DPP10: variants seen among roughly 807,000 people sequenced by gnomAD.
DPP10 encodes inactive dipeptidyl peptidase 10.
A neutral mutation model predicts 120.9 loss-of-function variants in DPP10; 33 were observed. The ratio of observed to expected loss-of-function variants is 0.27; its 90% CI spans 0.21 to 0.37. DPP10 has a LOEUF of 0.37. Among genes scored for constraint, DPP10 ranks in the 10% least tolerant of loss-of-function variants. DPP10 has a pLI of 1.00. For synonymous variants in DPP10, 337 were observed against 326.1 expected (o/e 1.03, Z -0.36); for missense variants, 816 against 942.8 (o/e 0.87, Z 1.76).
chr2:115,228,552 A>G (rs1258152367), intron 1 of DPP10, among the ~76,000 whole-genome samples: 1 of 151,946 alleles, frequency 6.6e-6, no homozygotes, highest in Non-Finnish European at 1.5e-5. Flanking sequence ...GGTAACCATC[A>G]TTCTACTCTC....
intron 17 of DPP10, among the ~76,000 whole-genome samples, chr2:115,790,661 T>C (rs971045459): frequency 3.3e-5 from 5 of 152,220 alleles, no homozygotes; most frequent in Non-Finnish European, 7.3e-5. Context: ...TTTAGAAATA[T>C]ATAACATGCT....
intron 5 of DPP10, among the ~76,000 whole-genome samples, chr2:115,619,636 A>G (rs2084798330): frequency 6.6e-6 from 1 of 152,072 alleles, no homozygotes; most frequent in South Asian, 2.1e-4. Flanking sequence ...TCCATCTCCA[A>G]AGGCTCAGTC....
At chr2:115,153,730 A>G (rs1393338470) in intron 1 of DPP10, among the ~76,000 whole-genome samples, 3 of 151,952 alleles carry the variant, frequency 2.0e-5, no homozygotes, top group African/African-American at 7.3e-5. Flanking sequence ...CATAAACTTT[A>G]TTTTTCCCTA....
intron 3 of DPP10, among the ~76,000 whole-genome samples, chr2:115,383,389 A>G (rs1458146197): frequency 6.6e-6 from 1 of 152,160 alleles, no homozygotes; most frequent in Admixed American, 6.6e-5. Context: ...CATGATTGTG[A>G]GTCCTCCCCA....
At chr2:114,603,335 G>T (rs1298512080) in intron 1 of DPP10, among the ~76,000 whole-genome samples, 2 of 152,022 alleles carry the variant, frequency 1.3e-5, no homozygotes, top group African/African-American at 4.8e-5. Context: ...AATGAAATTT[G>T]ACATCAGATA....
At chr2:114,532,296 T>TATATATATATACAC (rs1342125338) in intron 1 of DPP10, among the ~76,000 whole-genome samples, 42 of 74,724 alleles carry the variant, frequency 5.6e-4, no homozygotes, top group South Asian at 8.3e-4. Flanking sequence ...TATATATATA[T>TATATATATATACAC]ACACACACAC....
chr2:115,319,259 G>GC (rs2061944343), intron 2 of DPP10, among the ~76,000 whole-genome samples: 1 of 152,058 alleles, frequency 6.6e-6, no homozygotes, highest in Non-Finnish European at 1.5e-5. Context: ...TGTTCATGAT[G>GC]TATAAGCCTC....
intron 1 of DPP10, among the ~76,000 whole-genome samples, chr2:115,053,382 C>T (rs910981798): frequency 7.9e-5 from 12 of 152,254 alleles, no homozygotes; most frequent in East Asian, 7.7e-4. Flanking sequence ...ACATATTGTA[C>T]GATTCCATTA....
intron 5 of DPP10, among the ~76,000 whole-genome samples, chr2:115,675,940 G>A (rs2090215765): frequency 6.6e-6 from 1 of 152,108 alleles, no homozygotes; most frequent in Admixed American, 6.5e-5. Flanking sequence ...TGCGCCACCA[G>A]CTGGACCCAA....
chr2:115,051,451 C>T (rs917750041), intron 1 of DPP10, among the ~76,000 whole-genome samples: 12 of 151,818 alleles, frequency 7.9e-5, no homozygotes, highest in African/African-American at 2.7e-4. Context: ...TAGACTTGTC[C>T]TAAAAGAAAT....
intron 2 of DPP10, among the ~76,000 whole-genome samples, chr2:115,336,593 CTCTCTCTATA>C (rs1335437556): frequency 6.6e-6 from 1 of 150,592 alleles, no homozygotes; most frequent in Non-Finnish European, 1.5e-5. Flanking sequence ...GTCTCTCTCT[CTCTCTCTATA>C]TATATATATA....
At chr2:114,493,179 G>T (rs1367074924) in intron 1 of DPP10, among the ~76,000 whole-genome samples, 1 of 152,130 alleles carries the variant, frequency 6.6e-6, no homozygotes, top group African/African-American at 2.4e-5. Context: ...GTGTGGTGGT[G>T]AGCAGATGAA....
At chr2:114,476,540 T>C (rs2104643922) in intron 1 of DPP10, among the ~76,000 whole-genome samples, 1 of 152,296 alleles carries the variant, frequency 6.6e-6, no homozygotes, top group Non-Finnish European at 1.5e-5. Flanking sequence ...GGTGGCTCTT[T>C]TTGAGAAACA....
chr2:115,696,294 G>T (rs2091585711), intron 7 of DPP10, among the ~76,000 whole-genome samples: 1 of 152,048 alleles, frequency 6.6e-6, no homozygotes, highest in Non-Finnish European at 1.5e-5. Context: ...CCCACACCAA[G>T]ACAAGTTACA....
intron 10 of DPP10, among the ~76,000 whole-genome samples, chr2:115,747,919 A>T (rs1678201782): frequency 6.6e-6 from 1 of 151,892 alleles, no homozygotes; most frequent in Non-Finnish European, 1.5e-5. Context: ...AAAATTTCTA[A>T]TTTTTTTCCT....
intron 1 of DPP10, among the ~76,000 whole-genome samples, chr2:114,808,802 T>C (rs1285468414): frequency 1.3e-5 from 2 of 152,142 alleles, no homozygotes; most frequent in African/African-American, 2.4e-5. Flanking sequence ...CCAAGTCCAA[T>C]ATCTGTTCCT....
chr2:115,224,489 A>C (rs1380111531), intron 1 of DPP10, among the ~76,000 whole-genome samples: 1 of 152,116 alleles, frequency 6.6e-6, no homozygotes, highest in African/African-American at 2.4e-5. Context: ...TCACAGAAGC[A>C]GTGAGTAGAA....
chr2:114,591,729 A>G (rs550319678), intron 1 of DPP10, among the ~76,000 whole-genome samples: 2 of 151,680 alleles, frequency 1.3e-5, no homozygotes, highest in South Asian at 4.2e-4. Flanking sequence ...TAATTTTTGT[A>G]TTTTTAGTAG....
At chr2:114,570,521 T>C (rs1348357494) in intron 1 of DPP10, among the ~76,000 whole-genome samples, 1 of 151,958 alleles carries the variant, frequency 6.6e-6, no homozygotes, top group Admixed American at 6.6e-5. Context: ...CTTGAAATTA[T>C]GATATGAAAA....
Sources: gnomAD v4.1 joint callset for allele counts (sites outside exome capture counted in the v4.1 genomes callset) on GRCh38, gnomAD v4.1.1 for gene constraint, MANE v1.5 for transcripts, NCBI Gene and HGNC (gene_info 2026-07-23, HGNC 2026-07-21) for gene names.